Variants in DSCAM observed in about 807,000 individuals in gnomAD.
DSCAM encodes cell adhesion molecule DSCAM.
Under a neutral mutation model 217.7 loss-of-function variants are expected in DSCAM, and 47 were observed. The observed-to-expected ratio is 0.22, with a 90% CI of 0.17 to 0.28. DSCAM has a LOEUF of 0.28. Ranked by LOEUF, DSCAM falls within the 10% of genes least tolerant of loss-of-function variation. The probability of loss-of-function intolerance (pLI) is 1.00; values close to 1 mark genes in which losing one functional copy is unlikely to be tolerated. For synonymous variants in DSCAM, 1,056 were observed against 1,015.3 expected (o/e 1.04, Z -0.76); for missense variants, 2,080 against 2,618.3 (o/e 0.79, Z 4.49).
chr21:40,127,381 G>A (rs1299454986), intron 19 of DSCAM, among the ~76,000 whole-genome samples: 1 of 152,176 alleles, frequency 6.6e-6, no homozygotes, highest in East Asian at 1.9e-4. Flanking sequence ...ATATTTTCTT[G>A]AAACATTCTT....
chr21:40,762,176 G>GT lies in DSCAM; in HGVS notation c.44-53406dup, dbSNP rs2091342510. On this transcript the variant is annotated intron_variant, in intron 1 of 32. Transcript: ENST00000400454. ...AAAAAATTAATGAATCCAGGAGCTG[G>GT]TTTTTTGAAAAGATTAACAAAATAG... 2.0e-5 allele frequency among the ~76,000 whole-genome samples: 3 copies of GT among 152,134 alleles called. No homozygotes were observed. The East Asian group carries it at 5.8e-4, about 29-fold the overall frequency.
chr21:40,108,196 C>G (rs2089846165), intron 20 of DSCAM, among the ~76,000 whole-genome samples: 1 of 152,150 alleles, frequency 6.6e-6, no homozygotes, highest in Non-Finnish European at 1.5e-5. Context: ...AAAAGGCATT[C>G]AAACAGGAAG....
intron 1 of DSCAM, among the ~76,000 whole-genome samples, chr21:40,751,556 C>T (rs989292000): frequency 6.6e-6 from 1 of 152,198 alleles, no homozygotes; most frequent in African/African-American, 2.4e-5. Flanking sequence ...AACTCTTCCT[C>T]TGTGATTCTA....
intron 11 of DSCAM, among the ~76,000 whole-genome samples, chr21:40,223,317 C>A (rs1452492151): frequency 6.6e-6 from 1 of 152,222 alleles, no homozygotes; most frequent in East Asian, 1.9e-4. Flanking sequence ...GCCTGAGAGC[C>A]CCCATTCAAG....
intron 3 of DSCAM, among the ~76,000 whole-genome samples, chr21:40,466,032 T>A (rs1012888883): frequency 6.6e-6 from 1 of 152,174 alleles, no homozygotes; most frequent in African/African-American, 2.4e-5. Flanking sequence ...CATGCAGATG[T>A]GGTCACAAGG....
chr21:40,333,196 T>G (rs1418493447), intron 8 of DSCAM, among the ~76,000 whole-genome samples: 1 of 152,206 alleles, frequency 6.6e-6, no homozygotes, highest in Non-Finnish European at 1.5e-5. Flanking sequence ...AAAGCCAAAA[T>G]TCTAAGTCTT....
chr21:40,838,343 G>A (rs28654069), intron 1 of DSCAM, among the ~76,000 whole-genome samples: 45,854 of 152,028 alleles, frequency 0.3, 6,925 homozygotes, highest in South Asian at 0.4. Flanking sequence ...TTCAGTATAC[G>A]GCATGGGCTA....
At chr21:40,825,529 G>T (rs369143865) in intron 1 of DSCAM, among the ~76,000 whole-genome samples, 19 of 152,104 alleles carry the variant, frequency 1.2e-4, no homozygotes, top group African/African-American at 4.3e-4. Context: ...TGCTGGCCAG[G>T]CTGGTCTTGA....
intron 3 of DSCAM, among the ~76,000 whole-genome samples, chr21:40,531,136 G>A (rs868432418): frequency 1.3e-5 from 2 of 152,150 alleles, no homozygotes; most frequent in Admixed American, 6.5e-5. Flanking sequence ...CCTTCTTGGC[G>A]TCTCGTCAAC....
At chr21:40,491,146 G>A (rs575178501) in intron 3 of DSCAM, among the ~76,000 whole-genome samples, 28 of 152,142 alleles carry the variant, frequency 1.8e-4, no homozygotes, top group South Asian at 6.2e-4. Context: ...ATTTAATTAC[G>A]AACACTTCAA....
At position 40,450,928 on chromosome 21, in the gene DSCAM, G is replaced by T. The variant is rs146635160; in HGVS notation, c.509-81683C>A. On this transcript the variant is annotated intron_variant, in intron 3 of 32. Coordinates refer to ENST00000400454, the MANE Select transcript of DSCAM (RefSeq NM_001389.5). ...TTTTATAAACGTGTGAATCTCTGCAGGTCACCTACCCTCCTGCTCAAGATA... is the reference window on the plus strand; with the variant it reads ...TTTTATAAACGTGTGAATCTCTGCATGTCACCTACCCTCCTGCTCAAGATA... Among the ~76,000 whole-genome samples, 9 of 152,310 alleles carry T rather than the reference G, an allele frequency of 5.9e-5. 1 individual carries two copies. The East Asian group carries it at 1.7e-3, about 29-fold the overall frequency.
intron 1 of DSCAM, among the ~76,000 whole-genome samples, chr21:40,799,266 T>C (rs991380288): frequency 6.6e-6 from 1 of 152,200 alleles, no homozygotes; most frequent in African/African-American, 2.4e-5. Context: ...CTCTCTAATT[T>C]GAATCTATAT....
At chr21:40,736,151 A>G (rs1436327621) in intron 1 of DSCAM, among the ~76,000 whole-genome samples, 1 of 152,226 alleles carries the variant, frequency 6.6e-6, no homozygotes, top group East Asian at 1.9e-4. Context: ...AAATGTGAGG[A>G]GAGATGCATA....
intron 20 of DSCAM, among the ~76,000 whole-genome samples, chr21:40,117,945 G>A (rs1196809511): frequency 6.9e-5 from 6 of 86,902 alleles, no homozygotes; most frequent in Admixed American, 5.7e-4. Flanking sequence ...AACCCAATAC[G>A]TGTACACACA....
chr21:40,509,831 T>C (rs2076244043), intron 3 of DSCAM, among the ~76,000 whole-genome samples: 1 of 152,170 alleles, frequency 6.6e-6, no homozygotes, highest in Non-Finnish European at 1.5e-5. Flanking sequence ...GATCTTTCTC[T>C]AAAAGAATCT....
At chr21:40,264,508 C>G (rs1186688653) in intron 11 of DSCAM, among the ~76,000 whole-genome samples, 1 of 152,014 alleles carries the variant, frequency 6.6e-6, no homozygotes, top group Non-Finnish European at 1.5e-5. Context: ...ATCTAATATC[C>G]CTTTATGATA....
rs35404997 is a variant in DSCAM at position 40,622,871 on chromosome 21, CA to C, written c.508+69938del. Among the ~76,000 whole-genome samples the C allele has an allele frequency of 6.8e-3, 970 of 141,758 alleles. 7 individuals are homozygous for C. The highest frequency in any genetic ancestry group is 0.018 in the African/African-American group (677 of 38,062). 93.0% of individuals were successfully genotyped at this position (141,758 alleles called of 152,430 possible). A position where few individuals can be genotyped will look rare whatever the true frequency, so the allele number is the denominator to read the frequency against. On this transcript the variant is annotated intron_variant, in intron 3 of 32. Coordinates refer to ENST00000400454, the MANE Select transcript of DSCAM (RefSeq NM_001389.5). Reference sequence around the variant, plus strand: ...AACACTGATTTGTATGTACATGATACAAAAAAAAAAAAAATCAGCATTAAAG... The same window carrying C: ...AACACTGATTTGTATGTACATGATACAAAAAAAAAAAAATCAGCATTAAAG...
chr21:40,244,759 A>G (rs1455086750), intron 11 of DSCAM, among the ~76,000 whole-genome samples: 1 of 152,148 alleles, frequency 6.6e-6, no homozygotes. Context: ...CCCAGAAGTA[A>G]TCTGATGTGC....
chr21:40,661,313 G>C (rs1359347079), intron 3 of DSCAM, among the ~76,000 whole-genome samples: 1 of 152,138 alleles, frequency 6.6e-6, no homozygotes, highest in Non-Finnish European at 1.5e-5. Flanking sequence ...CATAAAAAAA[G>C]GAATGAATGA....
Sources: gnomAD v4.1 joint callset for allele counts (sites outside exome capture counted in the v4.1 genomes callset) on GRCh38, gnomAD v4.1.1 for gene constraint, MANE v1.5 for transcripts, NCBI Gene and HGNC (gene_info 2026-07-23, HGNC 2026-07-21) for gene names.